Variants in KDSR observed in about 807,000 individuals in gnomAD.
The protein encoded by KDSR is 3-ketodihydrosphingosine reductase.
In KDSR, 23 loss-of-function variants were observed where a neutral mutation model predicts 41.3. That is an observed-to-expected ratio of 0.56 (90% CI 0.40 to 0.79). The LOEUF is 0.79. KDSR is among the 30% of genes least tolerant of loss of function. KDSR has a pLI of 0.00. For missense variants in KDSR, 351 were observed against 416.8 expected, an observed-to-expected ratio of 0.84 and a Z score of 1.37; for synonymous variants, 138 against 151.7, an observed-to-expected ratio of 0.91 and a Z score of 0.66.
rs749090068 is a variant in KDSR at position 63,355,582 on chromosome 18, A to C, written c.256-19T>G. ...GCACCACCTGTTAAAAAAGAAAAAAAGTGATCAAAGTTTTGCAGGTACCAA... is the reference window on the plus strand; with the variant it reads ...GCACCACCTGTTAAAAAAGAAAAAACGTGATCAAAGTTTTGCAGGTACCAA... On this transcript the variant is annotated intron_variant, in intron 3 of 9. Coordinates refer to ENST00000645214, the MANE Select transcript of KDSR (RefSeq NM_002035.4). 1 of 1,555,390 alleles carries C rather than the reference A, an allele frequency of 6.4e-7. No individual in the cohort carries two copies. Among genetic ancestry groups the C allele is most frequent in the Non-Finnish European group, 8.6e-7 (1 of 1,159,118 alleles).
intron 9 of KDSR, 51 bp downstream of exon 9, chr18:63,335,205 GT>G: frequency 8.2e-7 from 1 of 1,226,854 alleles, no homozygotes. Flanking sequence ...ATGAAAGGCA[GT>G]TTTTCTCTTG....
intron 2 of KDSR, among the ~76,000 whole-genome samples, chr18:63,361,999 T>A (rs1452692102): frequency 2.6e-5 from 4 of 152,160 alleles, no homozygotes; most frequent in African/African-American, 9.7e-5. Context: ...AAGATCCCCA[T>A]GGAAGTATGC....
At chr18:63,340,854 A>C (rs563584517) in intron 7 of KDSR, among the ~76,000 whole-genome samples, 2 of 152,236 alleles carry the variant, frequency 1.3e-5, no homozygotes, top group South Asian at 2.1e-4. Flanking sequence ...CAGAAAAATT[A>C]AGCAAAAGTT....
chr18:63,356,492 C>A (rs1277413863), intron 3 of KDSR, among the ~76,000 whole-genome samples: 3 of 151,908 alleles, frequency 2.0e-5, no homozygotes, highest in Non-Finnish European at 2.9e-5. Flanking sequence ...AAAATCTATG[C>A]CACAGACAAG....
intron 5 of KDSR, among the ~76,000 whole-genome samples, chr18:63,354,316 A>G (rs1914739335): frequency 6.6e-6 from 1 of 152,086 alleles, no homozygotes; most frequent in African/African-American, 2.4e-5. Flanking sequence ...CTCTGTCTCA[A>G]AAAAAAGGAA....
intron 5 of KDSR, among the ~76,000 whole-genome samples, chr18:63,351,608 G>A (rs974382547): frequency 3.3e-5 from 5 of 152,160 alleles, no homozygotes; most frequent in Admixed American, 6.5e-5. Flanking sequence ...AGGTCAACAA[G>A]GGTATGACCG....
intron 5 of KDSR, among the ~76,000 whole-genome samples, chr18:63,353,253 TC>T (rs975770256): frequency 3.3e-5 from 5 of 152,036 alleles, no homozygotes; most frequent in Admixed American, 6.6e-5. Context: ...TTACTTTGGC[TC>T]CCTTTAGAAA....
intron 9 of KDSR, among the ~76,000 whole-genome samples, chr18:63,332,852 A>T (rs1045173260): frequency 4.4e-4 from 67 of 150,984 alleles, no homozygotes; most frequent in African/African-American, 1.5e-3. Flanking sequence ...AAAAAAAAAA[A>T]AGAGAATAGA....
Position 63,367,149 on chromosome 18 carries a change from C to G in KDSR, c.-31G>C, listed in dbSNP as rs1287805744. On this transcript the variant is annotated 5_prime_UTR_variant, in exon 1 of 10. Coordinates refer to ENST00000645214, the MANE Select transcript of KDSR (RefSeq NM_002035.4). The stretch of plus-strand genomic sequence containing the variant: ...CGCGGGGCCAGGGGCCCGGAGCGGC[C>G]GGGCGGGGGCCGCCGGGCAAGGCGC... 8.3e-7 allele frequency: 1 copy of G among 1,202,960 alleles called. No homozygotes were observed. The highest frequency in any genetic ancestry group is 1.1e-6 in the Non-Finnish European group (1 of 942,954). 74.5% of individuals were successfully genotyped at this position (1,202,960 alleles called of 1,614,324 possible).
intron 8 of KDSR, among the ~76,000 whole-genome samples, chr18:63,336,174 C>A (rs567981608): frequency 6.6e-6 from 1 of 152,198 alleles, no homozygotes; most frequent in Non-Finnish European, 1.5e-5. Context: ...GGATTACAGG[C>A]ATGCACCACC....
At chr18:63,334,983 G>A (rs1459481557) in intron 9 of KDSR, among the ~76,000 whole-genome samples, 2 of 152,096 alleles carry the variant, frequency 1.3e-5, no homozygotes, top group East Asian at 3.9e-4. Context: ...TGAAAATCCA[G>A]GTTAACACCT....
At chr18:63,347,201 T>C (rs1914530960) in intron 6 of KDSR, among the ~76,000 whole-genome samples, 1 of 152,092 alleles carries the variant, frequency 6.6e-6, no homozygotes, top group South Asian at 2.1e-4. Flanking sequence ...AACTGACCAC[T>C]TGTTCAAGAA....
At chr18:63,366,830 A>T (rs1568075111) in intron 1 of KDSR, among the ~76,000 whole-genome samples, 181 bp downstream of exon 1, 1 of 152,020 alleles carries the variant, frequency 6.6e-6, no homozygotes, top group Non-Finnish European at 1.5e-5. Context: ...CGGGTCCGCG[A>T]GGCCGGGTGC....
intron 6 of KDSR, among the ~76,000 whole-genome samples, chr18:63,350,217 C>T (rs145113457): frequency 1.3e-3 from 193 of 152,274 alleles, no homozygotes; most frequent in African/African-American, 4.4e-3. Context: ...ATGTGGAAGT[C>T]GGCTTCAAGC....
At chr18:63,332,197 T>TGCAGCATC (rs1177897705) in intron 9 of KDSR, among the ~76,000 whole-genome samples, 5 of 152,324 alleles carry the variant, frequency 3.3e-5, no homozygotes, top group African/African-American at 1.2e-4. Context: ...AAAGACCCAC[T>TGCAGCATC]GCAGCATCTC....
At chr18:63,352,514 C>T (rs190114328) in intron 5 of KDSR, among the ~76,000 whole-genome samples, 3 of 152,084 alleles carry the variant, frequency 2.0e-5, no homozygotes, top group Admixed American at 2.0e-4. Context: ...TAGGGTTTCG[C>T]CATGTTGGGC....
chr18:63,335,620 G>T, intron 8 of KDSR: 1 of 338,598 alleles, frequency 3.0e-6, no homozygotes, highest in Non-Finnish European at 5.4e-6. Flanking sequence ...TTTCCACAGT[G>T]TGTTGTATGG....
Position 63,367,125 on chromosome 18 carries a change from G to T in KDSR, c.-7C>A. The T allele has an allele frequency of 7.6e-7, 1 of 1,315,282 alleles. No individual in the cohort carries two copies. The allele number at this position is 1,315,282 out of a possible 1,614,324, so 81.5% of individuals were successfully genotyped here. On this transcript the variant is annotated 5_prime_UTR_variant, in exon 1 of 10. Transcript: ENST00000645214. ...CGGCAGCCAGCAGCAGCATCGCTCC[G>T]CGGGGCCAGGGGCCCGGAGCGGCCG...
rs139372995 is a variant in KDSR at position 63,335,438 on chromosome 18, G to A, written c.778-80C>T. ...TCAGTCGGACACATCAGAAACAGTG[G>A]AGTGTGCTCGTTCACTTTAAGTGAG... On this transcript the variant is annotated intron_variant, in intron 8 of 9. Transcript: ENST00000645214. 3.8e-4 allele frequency: 354 copies of A among 934,278 alleles called. 1 individual carries two copies. In the African/African-American group the frequency reaches 4.6e-3, roughly 12 times the overall value. The allele number at this position is 934,278 out of a possible 1,614,324, so 57.9% of individuals were successfully genotyped here.
Sources: allele counts gnomAD v4.1 joint callset (sites outside exome capture counted in the v4.1 genomes callset), GRCh38; gene constraint gnomAD v4.1.1; transcripts MANE v1.5; gene names NCBI Gene and HGNC (gene_info 2026-07-23, HGNC 2026-07-21).